EVI5: variants seen among roughly 807,000 people sequenced by gnomAD.
EVI5 encodes the protein ecotropic viral integration site 5 protein homolog.
EVI5 carries 73 observed loss-of-function variants against 112.0 expected under a neutral mutation model. The ratio of observed to expected loss-of-function variants is 0.65; its 90% CI spans 0.54 to 0.79. The LOEUF is 0.79. Among genes scored for constraint, EVI5 ranks in the 30% least tolerant of loss-of-function variants. The probability of loss-of-function intolerance (pLI) is 0.00; values close to 1 mark genes in which losing one functional copy is unlikely to be tolerated. For missense variants in EVI5, 900 were observed against 968.8 expected (o/e 0.93, Z 0.94); for synonymous variants, 305 against 319.9 (o/e 0.95, Z 0.50).
intron 18 of EVI5, 27 bp downstream of exon 18, chr1:92,605,280 A>G (rs760026226): frequency 1.4e-6 from 2 of 1,413,972 alleles, no homozygotes; most frequent in Admixed American, 1.7e-5. Context: ...ATATTTTTAC[A>G]TGTACTTTAT....
At chr1:92,784,189 G>T in intron 1 of EVI5, 1 of 473,128 alleles carries the variant, frequency 2.1e-6, no homozygotes, top group Non-Finnish European at 2.8e-6. Flanking sequence ...CAGACAGACA[G>T]ACAGACACAG....
chr1:92,782,581 T>G (rs1052646797), intron 1 of EVI5, among the ~76,000 whole-genome samples: 146 of 152,204 alleles, frequency 9.6e-4, no homozygotes, highest in Non-Finnish European at 4.6e-4. Flanking sequence ...TCTACTAGAC[T>G]AGCAAAAAAA....
Position 92,593,676 on chromosome 1 carries a change from G to A in EVI5, c.2070+11631C>T, listed in dbSNP as rs560644609. On this transcript the variant is annotated intron_variant, in intron 18 of 19. Coordinates refer to ENST00000684568, the MANE Select transcript of EVI5 (RefSeq NM_001350197.2). ...GATTGTATATCTAGAAAACCCCATCGTCTCAGCCCAAAATCTCCTTAAGCT... is the reference window on the plus strand; with the variant it reads ...GATTGTATATCTAGAAAACCCCATCATCTCAGCCCAAAATCTCCTTAAGCT... Among the ~76,000 whole-genome samples the A allele has an allele frequency of 7.6e-4, 115 of 152,190 alleles. 2 individuals are homozygous for A. The highest frequency in any genetic ancestry group is 4.8e-3 in the East Asian group (25 of 5,186).
intron 19 of EVI5, among the ~76,000 whole-genome samples, chr1:92,553,406 G>A (rs1383000081): frequency 6.7e-6 from 1 of 149,556 alleles, no homozygotes; most frequent in Non-Finnish European, 1.5e-5. Context: ...GGGTTCAAGC[G>A]ATTCTCCTGC....
intron 12 of EVI5, 131 bp downstream of exon 12, chr1:92,663,289 C>T (rs1664326220): frequency 4.4e-6 from 2 of 457,938 alleles, no homozygotes; most frequent in East Asian, 6.7e-5. Context: ...CCACATATAC[C>T]ACCCAAAAAA....
chr1:92,708,584 T>C (rs1187288046), intron 2 of EVI5, among the ~76,000 whole-genome samples: 1 of 152,032 alleles, frequency 6.6e-6, no homozygotes, highest in Non-Finnish European at 1.5e-5. Context: ...AAGCACAAAA[T>C]TACCATGACT....
At chr1:92,691,754 G>GA (rs548494241) in intron 9 of EVI5, among the ~76,000 whole-genome samples, 6 of 150,032 alleles carry the variant, frequency 4.0e-5, no homozygotes, top group Non-Finnish European at 5.9e-5. Flanking sequence ...CATTATAAAG[G>GA]AAAAAAAAAT....
At chr1:92,619,942 G>A (rs1654148680) in intron 16 of EVI5, among the ~76,000 whole-genome samples, 1 of 151,904 alleles carries the variant, frequency 6.6e-6, no homozygotes, top group African/African-American at 2.4e-5. Flanking sequence ...AAAATGATAG[G>A]GGCAAAACGA....
At chr1:92,625,618 G>T in intron 15 of EVI5, 176 bp downstream of exon 15, 1 of 514,496 alleles carries the variant, frequency 1.9e-6, no homozygotes, top group Non-Finnish European at 3.5e-6. Flanking sequence ...AATTAAAGAG[G>T]GAGAAACAGC....
intron 13 of EVI5, among the ~76,000 whole-genome samples, chr1:92,648,171 C>T (rs1403721446): frequency 2.8e-4 from 38 of 133,806 alleles, no homozygotes; most frequent in African/African-American, 1.0e-3. Context: ...ACGGTGAAAC[C>T]CCGACTCTAC....
intron 7 of EVI5, 123 bp from the exon 8 acceptor site, chr1:92,694,511 T>C (rs2102471930): frequency 3.3e-6 from 2 of 615,238 alleles, no homozygotes; most frequent in South Asian, 2.1e-5. Flanking sequence ...AAACATTTTC[T>C]GTCAAGAGTC....
intron 5 of EVI5, 28 bp from the exon 6 acceptor site, chr1:92,698,013 A>C: frequency 6.3e-7 from 1 of 1,594,180 alleles, no homozygotes; most frequent in South Asian, 1.1e-5. Flanking sequence ...AAAACAACAT[A>C]GGTTAATGTT....
intron 19 of EVI5, among the ~76,000 whole-genome samples, chr1:92,536,653 T>G (rs557019738): frequency 6.6e-5 from 10 of 152,320 alleles, no homozygotes; most frequent in African/African-American, 2.2e-4. Context: ...GACAGAAATT[T>G]CTTTTGTGAA....
chr1:92,550,815 A>ATATATATATATAT (rs1557766729), intron 19 of EVI5, among the ~76,000 whole-genome samples: 1 of 90,256 alleles, frequency 1.1e-5, no homozygotes, highest in African/African-American at 4.5e-5. Flanking sequence ...TATATATATA[A>ATATATATATATAT]CAAAAAAAAC....
intron 14 of EVI5, among the ~76,000 whole-genome samples, chr1:92,633,075 A>C (rs1291560218): frequency 2.0e-5 from 3 of 152,190 alleles, no homozygotes; most frequent in Non-Finnish European, 4.4e-5. Flanking sequence ...ACATTCGCTG[A>C]GGAGTGCTTT....
intron 2 of EVI5, among the ~76,000 whole-genome samples, chr1:92,724,800 C>A (rs1455255689): frequency 6.6e-6 from 1 of 151,758 alleles, no homozygotes. Flanking sequence ...AGAGTAAGAC[C>A]CTGTCTTTAA....
intron 19 of EVI5, among the ~76,000 whole-genome samples, chr1:92,547,481 C>A (rs1185774900): frequency 6.6e-6 from 1 of 151,972 alleles, no homozygotes; most frequent in Non-Finnish European, 1.5e-5. Flanking sequence ...TAGCAGAAGG[C>A]GAGAAGTAAC....
chr1:92,666,609 A>G (rs1664946106), intron 10 of EVI5, among the ~76,000 whole-genome samples: 1 of 108,754 alleles, frequency 9.2e-6, no homozygotes, highest in South Asian at 3.7e-4. Flanking sequence ...AGGGGAGGGG[A>G]AGGGAGGGGT....
At chr1:92,702,623 T>A (rs971635794) in intron 4 of EVI5, among the ~76,000 whole-genome samples, 1 of 151,700 alleles carries the variant, frequency 6.6e-6, no homozygotes, top group Non-Finnish European at 1.5e-5. Flanking sequence ...CTGGCCAACA[T>A]AGTGAAACCC....
Sources: gnomAD v4.1 joint callset for allele counts (sites outside exome capture counted in the v4.1 genomes callset) on GRCh38, gnomAD v4.1.1 for gene constraint, MANE v1.5 for transcripts, NCBI Gene and HGNC (gene_info 2026-07-23, HGNC 2026-07-21) for gene names.